The following CNTN3 variants were observed in gnomAD, a reference collection of about 807,000 sequenced individuals.
CNTN3 encodes contactin 3, also known as contactin-3.
Under a neutral mutation model 119.1 loss-of-function variants are expected in CNTN3, and 60 were observed. The observed-to-expected ratio is 0.50, with a 90% CI of 0.41 to 0.62. The LOEUF is 0.62. Ranked by LOEUF, CNTN3 falls within the 20% of genes least tolerant of loss-of-function variation. The pLI is 0.00. For missense variants in CNTN3, 1,101 were observed against 1,242.4 expected (o/e 0.89, Z 1.71); for synonymous variants, 450 against 438.7 (o/e 1.03, Z -0.32).
rs138179027 is a variant in CNTN3, at chr3:74,299,670, C to T, written c.2166+198G>A. On this transcript the variant is annotated intron_variant, in intron 17 of 22. Coordinates refer to ENST00000263665, the MANE Select transcript of CNTN3 (RefSeq NM_020872.3). ...TATCAAAAAATATTAGCTACTAGGG[C>T]TACAACCACCACCACCAGCCCCACT... 6.1e-3 allele frequency among the ~76,000 whole-genome samples: 921 copies of T among 152,164 alleles called. 9 individuals carry two copies. The highest frequency in any genetic ancestry group is 0.021 in the African/African-American group (874 of 41,506).
At chr3:74,442,239 A>T (rs1181018034) in intron 4 of CNTN3, among the ~76,000 whole-genome samples, 2 of 151,864 alleles carry the variant, frequency 1.3e-5, no homozygotes, top group African/African-American at 4.8e-5. Context: ...ATGGTGGCCT[A>T]CCACCATAAA....
At chr3:74,400,632 C>T (rs1705166626) in intron 5 of CNTN3, among the ~76,000 whole-genome samples, 1 of 152,124 alleles carries the variant, frequency 6.6e-6, no homozygotes, top group South Asian at 2.1e-4. Context: ...GGCACCATGA[C>T]AAAGCCCTTT....
chr3:74,279,239 C>G (rs536993239), intron 20 of CNTN3, among the ~76,000 whole-genome samples: 1 of 152,270 alleles, frequency 6.6e-6, no homozygotes, highest in East Asian at 1.9e-4. Context: ...ACTATTTGAT[C>G]CAGCAATCCC....
At chr3:74,383,712 T>G (rs1199649213) in intron 5 of CNTN3, among the ~76,000 whole-genome samples, 1 of 152,168 alleles carries the variant, frequency 6.6e-6, no homozygotes, top group Admixed American at 6.5e-5. Context: ...CTCAAACTCC[T>G]TAGCACAAGC....
chr3:74,470,403 C>A (rs1335502881), intron 4 of CNTN3, among the ~76,000 whole-genome samples: 1 of 152,136 alleles, frequency 6.6e-6, no homozygotes, highest in Non-Finnish European at 1.5e-5. Flanking sequence ...TTCCAGCTCA[C>A]CACATCCCCA....
At chr3:74,499,873 T>C (rs1286960174) in intron 2 of CNTN3, 88 bp from the exon 3 acceptor site, 3 of 1,324,900 alleles carry the variant, frequency 2.3e-6, no homozygotes, top group Non-Finnish European at 3.1e-6. Context: ...AACAAGGAAC[T>C]AAAAATTCTA....
chr3:74,319,939 G>A lies in CNTN3; in HGVS notation c.1668+14796C>T, dbSNP rs190096897. On this transcript the variant is annotated intron_variant, in intron 13 of 22. Coordinates refer to ENST00000263665, the MANE Select transcript of CNTN3 (RefSeq NM_020872.3). ...AAAATGCTCACCATCACTGGCCATC[G>A]GAGAAATGCAAATCAATACCACAAT... is the stretch of plus-strand genomic sequence containing the variant. Among the ~76,000 whole-genome samples, 945 of 152,096 alleles carry A rather than the reference G, an allele frequency of 6.2e-3. 11 individuals carry two copies. Among genetic ancestry groups the A allele is most frequent in the African/African-American group, 0.021 (884 of 41,492 alleles).
chr3:74,573,873 C>A (rs1361517551), intron 1 of CNTN3, among the ~76,000 whole-genome samples: 1 of 151,966 alleles, frequency 6.6e-6, no homozygotes, highest in African/African-American at 2.4e-5. Context: ...TGCAAACTCT[C>A]TGGAAAACAG....
At position 74,319,807 on chromosome 3, in the gene CNTN3, A is replaced by C. The variant is rs550582832; in HGVS notation, c.1668+14928T>G. Reference sequence around the variant, plus strand: ...ATATCCAGAATCTACAATGAACTCAAACAAATTTACAAAAAAAAAAACAAA... The same window carrying C: ...ATATCCAGAATCTACAATGAACTCACACAAATTTACAAAAAAAAAAACAAA... On this transcript the variant is annotated intron_variant, in intron 13 of 22. Coordinates refer to ENST00000263665, the MANE Select transcript of CNTN3 (RefSeq NM_020872.3). Among the ~76,000 whole-genome samples the C allele has an allele frequency of 4.8e-3, 704 of 147,022 alleles. 5 individuals are homozygous for C. The highest frequency in any genetic ancestry group is 5.5e-3 in the Non-Finnish European group (368 of 67,008).
chr3:74,521,877 T>G (rs79032361), intron 1 of CNTN3, among the ~76,000 whole-genome samples: 7,601 of 151,894 alleles, frequency 0.05, 204 homozygotes, highest in South Asian at 0.066. Context: ...TAGTTAAGCT[T>G]CATGGTTAAT....
intron 10 of CNTN3, 146 bp downstream of exon 10, chr3:74,364,321 G>T: frequency 1.4e-6 from 1 of 728,862 alleles, no homozygotes; most frequent in Non-Finnish European, 2.1e-6. Flanking sequence ...GGTATGCCTT[G>T]ATTAGAAACT....
intron 4 of CNTN3, among the ~76,000 whole-genome samples, chr3:74,442,146 TAC>T (rs567314995): frequency 0.015 from 1,831 of 123,974 alleles, 15 homozygotes; most frequent in Middle Eastern, 0.022. Flanking sequence ...TGCATGCAAG[TAC>T]ACACACACAC....
intron 4 of CNTN3, among the ~76,000 whole-genome samples, chr3:74,437,240 C>T (rs1473658010): frequency 5.3e-5 from 8 of 152,078 alleles, no homozygotes; most frequent in Admixed American, 6.6e-5. Context: ...GGGCGGATCA[C>T]GAGGTCAGGA....
intron 4 of CNTN3, among the ~76,000 whole-genome samples, chr3:74,478,324 G>A (rs1702697042): frequency 6.6e-6 from 1 of 152,068 alleles, no homozygotes; most frequent in Admixed American, 6.6e-5. Flanking sequence ...TAGGAATCCA[G>A]GTTCTCTGTC....
At chr3:74,424,136 T>C (rs983893763) in intron 5 of CNTN3, among the ~76,000 whole-genome samples, 11 of 152,054 alleles carry the variant, frequency 7.2e-5, no homozygotes, top group African/African-American at 1.9e-4. Flanking sequence ...AATGCCCTCT[T>C]TGTTCCTGCA....
intron 4 of CNTN3, among the ~76,000 whole-genome samples, chr3:74,479,569 A>G (rs1702725017): frequency 6.6e-6 from 1 of 152,136 alleles, no homozygotes; most frequent in Non-Finnish European, 1.5e-5. Flanking sequence ...TAATTTTTAG[A>G]ACACATGTTC....
At chr3:74,366,778 GTGTATA>G (rs1187716458) in intron 8 of CNTN3, among the ~76,000 whole-genome samples, 6 of 40,908 alleles carry the variant, frequency 1.5e-4, no homozygotes, top group South Asian at 1.7e-3. Context: ...GTGTGTGTGT[GTGTATA>G]TATATATATA....
chr3:74,292,512 G>A (rs1702251203), intron 19 of CNTN3, among the ~76,000 whole-genome samples: 1 of 152,192 alleles, frequency 6.6e-6, no homozygotes, highest in Non-Finnish European at 1.5e-5. Context: ...GTTGTGGTGA[G>A]CTGAGATCAT....
intron 2 of CNTN3, among the ~76,000 whole-genome samples, chr3:74,509,854 C>T (rs1363171089): frequency 6.6e-6 from 1 of 151,950 alleles, no homozygotes; most frequent in Non-Finnish European, 1.5e-5. Flanking sequence ...ATTCCTAGAA[C>T]AATGTTTGTG....
Sources: gnomAD v4.1 joint callset for allele counts (sites outside exome capture counted in the v4.1 genomes callset) on GRCh38, gnomAD v4.1.1 for gene constraint, MANE v1.5 for transcripts, NCBI Gene and HGNC (gene_info 2026-07-23, HGNC 2026-07-21) for gene names.